CEP164: variants seen among roughly 807,000 people sequenced by gnomAD.
CEP164 encodes the protein centrosomal protein 164.
A neutral mutation model predicts 182.7 loss-of-function variants in CEP164; 162 were observed. The ratio of observed to expected loss-of-function variants is 0.89; its 90% CI spans 0.78 to 1.01. The LOEUF is 1.01. CEP164 is among the 50% of genes least tolerant of loss of function. CEP164 has a pLI of 0.00. For missense variants in CEP164, 1,735 were observed against 1,790.4 expected (o/e 0.97, Z 0.56); for synonymous variants, 661 against 690.0 (o/e 0.96, Z 0.66).
intron 1 of CEP164, among the ~76,000 whole-genome samples, chr11:117,332,303 G>C (rs1392827981): frequency 6.6e-6 from 1 of 152,058 alleles, no homozygotes. Context: ...GGCCAGGCAC[G>C]GTGGCTCACG....
chr11:117,358,479 C>G (rs949197893), intron 5 of CEP164, among the ~76,000 whole-genome samples: 2 of 151,234 alleles, frequency 1.3e-5, no homozygotes, highest in Non-Finnish European at 2.9e-5. Flanking sequence ...CCAGGAGGGG[C>G]ATGCCTGGTT....
chr11:117,343,730 A>G (rs766694648), intron 3 of CEP164, among the ~76,000 whole-genome samples: 2 of 149,206 alleles, frequency 1.3e-5, no homozygotes, highest in East Asian at 2.0e-4. Flanking sequence ...TCCCAGGTTC[A>G]AGCAGTTCTC....
chr11:117,333,680 C>T (rs963463882), intron 1 of CEP164, among the ~76,000 whole-genome samples: 1 of 152,028 alleles, frequency 6.6e-6, no homozygotes, highest in African/African-American at 2.4e-5. Context: ...AGGTATACAC[C>T]ACCATACCTG....
At position 117,334,030 on chromosome 11, in the gene CEP164, G is replaced by A. The variant is rs549972881; in HGVS notation, c.-97-1575G>A. On this transcript the variant is annotated intron_variant, in intron 1 of 32. Coordinates refer to ENST00000278935, the MANE Select transcript of CEP164 (RefSeq NM_014956.5). ...ACTCATCATTCAGTTCTCAGTGTAG[G>A]CATCATCTAAATCAGGCTTATTTCC... Among the ~76,000 whole-genome samples, 69 of 152,084 alleles carry A rather than the reference G, an allele frequency of 4.5e-4. 1 individual carries two copies. The highest frequency in any genetic ancestry group is 6.2e-4 in the South Asian group (3 of 4,826).
At position 117,371,269 on chromosome 11, in the gene CEP164, A is replaced by C; in HGVS notation, c.955A>C (p.Ser319Arg). The C allele has an allele frequency of 1.9e-6, 3 of 1,614,226 alleles. No individual in the cohort carries two copies. The highest frequency in any genetic ancestry group is 2.5e-6 in the Non-Finnish European group (3 of 1,180,036). Reference protein sequence around the residue: ...GLPEKEENEKSEPKICRNLVT... With the variant: ...GLPEKEENEKREPKICRNLVT... ...TCCAGAAAAAGAGGAAAATGAGAAG[A>C]GTGAACCTAAGATTTGCAGGAATCT... Residue 319 changes from serine to arginine, a missense_variant, in exon 9 of 33, where the codon AGT becomes CGT. Physicochemically the swap from Ser to Arg is moderately radical, Grantham distance 110. Coordinates refer to ENST00000278935, the MANE Select transcript of CEP164 (RefSeq NM_014956.5).
At chr11:117,354,761 A>G (rs1277725834) in intron 5 of CEP164, among the ~76,000 whole-genome samples, 1 of 142,528 alleles carries the variant, frequency 7.0e-6, no homozygotes, top group African/African-American at 2.7e-5. Context: ...TTTTTTTGCT[A>G]TTGATTTTAT....
At chr11:117,380,494 T>G (rs766597692) in intron 11 of CEP164, 120 bp from the exon 12 acceptor site, 11 of 745,242 alleles carry the variant, frequency 1.5e-5, no homozygotes, top group Non-Finnish European at 2.5e-5. Context: ...TCCCGTATGG[T>G]CCCATCTTCT....
intron 3 of CEP164, among the ~76,000 whole-genome samples, chr11:117,341,809 T>G (rs1469878482): frequency 2.6e-5 from 4 of 152,202 alleles, no homozygotes; most frequent in Non-Finnish European, 5.9e-5. Flanking sequence ...CCTGTGCTTC[T>G]TCTGCCTGAA....
intron 27 of CEP164, among the ~76,000 whole-genome samples, chr11:117,399,815 C>A (rs563990549): frequency 3.5e-4 from 54 of 152,134 alleles, no homozygotes; most frequent in African/African-American, 1.3e-3. Flanking sequence ...TATCCTTTGC[C>A]CACTTTTTGA....
At chr11:117,397,652 A>C (rs946312014) in intron 27 of CEP164, among the ~76,000 whole-genome samples, 1 of 152,198 alleles carries the variant, frequency 6.6e-6, no homozygotes, top group Non-Finnish European at 1.5e-5. Flanking sequence ...CACTTCTTAC[A>C]TGGTGGCAGC....
rs193229885 is a variant in CEP164 at position 117,379,170 on chromosome 11, G to A, written c.1318-1444G>A. ...GCTCTGCCCGTGCTGATGTGATGAGGAGTGGCAGCCCTGGCAGGGAGCCCT... is the reference window on the plus strand; with the variant it reads ...GCTCTGCCCGTGCTGATGTGATGAGAAGTGGCAGCCCTGGCAGGGAGCCCT... On this transcript the variant is annotated intron_variant, in intron 11 of 32. Coordinates refer to ENST00000278935, the MANE Select transcript of CEP164 (RefSeq NM_014956.5). Among the ~76,000 whole-genome samples, 833 of 152,322 alleles carry A rather than the reference G, an allele frequency of 5.5e-3. 6 individuals are homozygous for A. Among genetic ancestry groups the A allele is most frequent in the Non-Finnish European group, 6.9e-3 (472 of 68,032 alleles).
chr11:117,387,127 G>A lies in CEP164; in HGVS notation c.1725-76G>A, dbSNP rs865897033. The A allele has an allele frequency of 2.8e-5, 36 of 1,297,490 alleles. 1 individual carries two copies. The Middle Eastern group carries it at 1.5e-3, about 53-fold the overall frequency. The allele number at this position is 1,297,490 out of a possible 1,614,324, so 80.4% of individuals were successfully genotyped here. ...ATTAGGATTCCATCTGTGATGTTCC[G>A]TATCCATTCTAACCTGGATGCAGAG... On this transcript the variant is annotated intron_variant, in intron 14 of 32. Coordinates refer to ENST00000278935, the MANE Select transcript of CEP164 (RefSeq NM_014956.5).
intron 27 of CEP164, among the ~76,000 whole-genome samples, chr11:117,406,880 G>A (rs2046748519): frequency 6.6e-6 from 1 of 152,190 alleles, no homozygotes; most frequent in East Asian, 1.9e-4. Context: ...TGGATCACGA[G>A]GTCAGGAGTT....
rs758393882 is a variant in CEP164, at chr11:117,408,944, G to A, written c.3664G>A (p.Asp1222Asn). ...GSPTKKAVTF[D>N]LSDMDSLSSE... ...CCCCACCAAGAAGGCAGTAACCTTC[G>A]ACCTCAGTGACATGGACAGCCTGAG... Residue 1222 changes from aspartate (D) to asparagine (N), a missense_variant, in exon 29 of 33, where the codon GAC (aspartate) becomes AAC (asparagine). Coordinates refer to ENST00000278935, the MANE Select transcript of CEP164 (RefSeq NM_014956.5). 3.8e-5 allele frequency: 62 copies of A among 1,613,978 alleles called. 1 individual carries two copies. In the Middle Eastern group the frequency reaches 1.5e-3, roughly 39 times the overall value.
At chr11:117,390,753 C>T (rs1302605929) in intron 15 of CEP164, 24 bp from the exon 16 acceptor site, 31 of 1,613,514 alleles carry the variant, frequency 1.9e-5, no homozygotes, top group Non-Finnish European at 2.6e-5. Flanking sequence ...TCTCTGACAA[C>T]CTAGCCTTTC....
chr11:117,375,818 G>A, intron 11 of CEP164, 27 bp downstream of exon 11: 5 of 1,606,064 alleles, frequency 3.1e-6, no homozygotes, highest in Non-Finnish European at 4.3e-6. Flanking sequence ...GGTGGGCTGA[G>A]CTGGGGCCTC....
chr11:117,354,022 CTT>C (rs777619340), intron 5 of CEP164, among the ~76,000 whole-genome samples: 1 of 142,106 alleles, frequency 7.0e-6, no homozygotes. Flanking sequence ...TCTTCTTCTT[CTT>C]TTTTTTTTTT....
At chr11:117,351,129 T>G (rs2135428321) in intron 4 of CEP164, among the ~76,000 whole-genome samples, 1 of 152,262 alleles carries the variant, frequency 6.6e-6, no homozygotes, top group South Asian at 2.1e-4. Flanking sequence ...GACTCCCAGG[T>G]TCAAGCGATT....
At chr11:117,390,716 A>T in intron 15 of CEP164, 61 bp from the exon 16 acceptor site, 1 of 1,604,762 alleles carries the variant, frequency 6.2e-7, no homozygotes, top group Non-Finnish European at 8.5e-7. Context: ...GCCATAGCTT[A>T]TGAATAGAAG....
Sources: allele counts gnomAD v4.1 joint callset (sites outside exome capture counted in the v4.1 genomes callset), GRCh38; gene constraint gnomAD v4.1.1; transcripts MANE v1.5; gene names NCBI Gene and HGNC (gene_info 2026-07-23, HGNC 2026-07-21).